The following MED1 variants were observed in gnomAD, a reference collection of about 807,000 sequenced individuals.
The protein encoded by MED1 is mediator of RNA polymerase II transcription subunit 1.
In MED1, 17 loss-of-function variants were observed where a neutral mutation model predicts 121.3. The ratio of observed to expected loss-of-function variants is 0.14; its 90% CI spans 0.10 to 0.21. MED1 has a LOEUF of 0.21. MED1 is among the 10% of genes least tolerant of loss of function. The pLI is 1.00. For missense variants in MED1, 1,558 were observed against 1,919.4 expected (o/e 0.81, Z 3.52); for synonymous variants, 661 against 694.4 (o/e 0.95, Z 0.76).
chr17:39,444,910 C>A (rs971989683), intron 2 of MED1, among the ~76,000 whole-genome samples: 1 of 152,020 alleles, frequency 6.6e-6, no homozygotes, highest in East Asian at 1.9e-4. Context: ...AAAACTTAGC[C>A]TAGTTTTCCT....
intron 2 of MED1, among the ~76,000 whole-genome samples, chr17:39,443,904 T>C (rs1241266863): frequency 6.6e-6 from 1 of 152,126 alleles, no homozygotes; most frequent in African/African-American, 2.4e-5. Flanking sequence ...CAAAGCTGAA[T>C]AATCACTTGA....
rs771119607 is a variant in MED1, at chr17:39,409,888, T to G, written c.2333A>C (p.Asp778Ala). The change falls in exon 17 of 17, where the codon GAT becomes GCT. Residue 778 changes from aspartate to alanine, a missense_variant. Around this residue, in one of 5 missense-constraint regions of MED1, gnomAD observed 793 missense variants for 898.2 expected, o/e 0.88. Transcript: ENST00000300651. Reference sequence around the variant, plus strand: ...AATGTCTGAAAGGATGTCAGTTACATCTGGGCCAATGCTGTCTGAACTGGA... The same window carrying G: ...AATGTCTGAAAGGATGTCAGTTACAGCTGGGCCAATGCTGTCTGAACTGGA... ...RLSSSDSIGP[D>A]VTDILSDIAE... 4 of 1,614,140 alleles carry G rather than the reference T, an allele frequency of 2.5e-6. No individual in the cohort carries two copies. The highest frequency in any genetic ancestry group is 3.4e-6 in the Non-Finnish European group (4 of 1,180,014).
chr17:39,416,605 G>T (rs766054528), intron 14 of MED1, among the ~76,000 whole-genome samples: 1 of 152,122 alleles, frequency 6.6e-6, no homozygotes, highest in Non-Finnish European at 1.5e-5. Context: ...TGAAACAGAA[G>T]TGCCACAACT....
rs146187840 is a variant in MED1 at position 39,440,570 on chromosome 17, C to T, written c.267-52G>A. On this transcript the variant is annotated intron_variant, in intron 4 of 16. Transcript: ENST00000300651. This position sits in a 1 kb window ranked among gnomAD's most constrained non-coding sequence, Gnocchi z 4.1. ...TTAATAGAAGACACATAAATAAAGC[C>T]ACCCAAAGTTAACACTAAGTTAAAC... 3.1e-4 allele frequency: 497 copies of T among 1,612,324 alleles called. No homozygotes were observed. In the African/African-American group the frequency reaches 4.2e-3, roughly 14 times the overall value.
intron 2 of MED1, among the ~76,000 whole-genome samples, chr17:39,444,241 G>C (rs778284241): frequency 6.6e-6 from 1 of 152,152 alleles, no homozygotes; most frequent in Admixed American, 6.6e-5. Flanking sequence ...GGGTGCGGTG[G>C]CTCACACCTG....
chr17:39,417,612 G>C (rs1157386011), intron 14 of MED1, among the ~76,000 whole-genome samples: 1 of 152,062 alleles, frequency 6.6e-6, no homozygotes, highest in Admixed American at 6.6e-5. Context: ...CTGGGCGACA[G>C]AGCGAGACTC....
At chr17:39,446,751 C>T (rs2048731703) in intron 2 of MED1, among the ~76,000 whole-genome samples, 1 of 150,756 alleles carries the variant, frequency 6.6e-6, no homozygotes, top group Non-Finnish European at 1.5e-5. Context: ...TCCAGCCTGG[C>T]CACAGAGCAA....
intron 10 of MED1, among the ~76,000 whole-genome samples, chr17:39,425,586 A>C (rs2048507132): frequency 6.6e-6 from 1 of 151,568 alleles, no homozygotes; most frequent in South Asian, 2.1e-4. Flanking sequence ...GGTGGATCAC[A>C]AGGTCAGGGG....
intron 13 of MED1, among the ~76,000 whole-genome samples, chr17:39,420,647 C>T (rs1490355407): frequency 2.0e-5 from 3 of 151,786 alleles, no homozygotes; most frequent in Non-Finnish European, 2.9e-5. Context: ...ATTATTATTA[C>T]TTTTGAGACA....
intron 6 of MED1, among the ~76,000 whole-genome samples, chr17:39,436,533 TTAA>T (rs2048620784): frequency 1.3e-5 from 2 of 152,108 alleles, no homozygotes; most frequent in African/African-American, 4.8e-5. Flanking sequence ...AACTCTGAGT[TTAA>T]ATTTAAGTAC....
At chr17:39,417,806 T>A (rs942957858) in intron 14 of MED1, among the ~76,000 whole-genome samples, 2 of 152,078 alleles carry the variant, frequency 1.3e-5, no homozygotes, top group South Asian at 4.2e-4. Flanking sequence ...AAGCTTCTAA[T>A]AGCCAACTGT....
intron 16 of MED1, among the ~76,000 whole-genome samples, chr17:39,412,226 TTC>T (rs1411796384): frequency 1.0e-4 from 15 of 149,456 alleles, no homozygotes; most frequent in Non-Finnish European, 1.2e-4. Context: ...AAATTTTTTT[TTC>T]TTTTTTTTTT....
rs1370679419 is a variant in MED1, at chr17:39,408,859, C to G, written c.3362G>C (p.Gly1121Ala). 6.2e-7 allele frequency: 1 copy of G among 1,613,944 alleles called. No individual in the cohort carries two copies. Among genetic ancestry groups the G allele is most frequent in the African/African-American group, 1.3e-5 (1 of 74,862 alleles). Residue 1121 changes from glycine (G) to alanine (A), a missense_variant, in exon 17 of 17, where the codon GGT (glycine) becomes GCT (alanine). This residue lies in a region of MED1 where 793 missense variants were observed against 898.2 expected (regional missense o/e 0.88). Transcript: ENST00000300651. The surrounding 1 kb of genome is among the most constrained non-coding windows in gnomAD (Gnocchi z 4.7). ...SGKMKSSKSE[G>A]SSSSKLSSSM... is the part of the protein sequence containing the mutation. ...GCTACTTAACTTGGAACTTGATGAACCTTCTGATTTACTGCTTTTCATCTT... is the reference window on the plus strand; with the variant it reads ...GCTACTTAACTTGGAACTTGATGAAGCTTCTGATTTACTGCTTTTCATCTT...
intron 5 of MED1, 125 bp from the exon 6 acceptor site, chr17:39,439,318 C>G (rs959435190): frequency 1.7e-5 from 11 of 647,100 alleles, no homozygotes; most frequent in Non-Finnish European, 2.8e-5. Context: ...ACAGATGGTC[C>G]TCATATTAAA....
Position 39,419,812 on chromosome 17 carries a change from G to A in MED1, c.1202C>T (p.Pro401Leu). 6.2e-7 allele frequency: 1 copy of A among 1,614,024 alleles called. No individual in the cohort carries two copies. The highest frequency in any genetic ancestry group is 8.5e-7 in the Non-Finnish European group (1 of 1,179,944). ...ATTTAGGATAAGAGGAACTCGGCCAGGGTGCTGAAAGGTGATTTTGCTAAC... is the reference window on the plus strand; with the variant it reads ...ATTTAGGATAAGAGGAACTCGGCCAAGGTGCTGAAAGGTGATTTTGCTAAC... ...TLVSKITFQH[P>L]GRVPLILNLI... is the part of the protein sequence containing the mutation. The change falls in exon 14 of 17, where the codon CCT (proline) becomes CTT (leucine). Residue 401 changes from proline (P) to leucine (L), a missense_variant. Pro to Leu is a moderately conservative substitution (Grantham distance 98). Transcript: ENST00000300651.
chr17:39,451,202 G>T lies in MED1; in HGVS notation c.-140C>A. 2.1e-6 allele frequency: 2 copies of T among 943,130 alleles called. No homozygotes were observed. The highest frequency in any genetic ancestry group is 3.2e-6 in the Non-Finnish European group (2 of 623,886). 58.4% of individuals were successfully genotyped at this position (943,130 alleles called of 1,614,324 possible). A position where few individuals can be genotyped will look rare whatever the true frequency, so the allele number is the denominator to read the frequency against. ...TCTTCCCGGGAAGGATCAATCTGAA[G>T]TCCCCGGCGGCAAGAAGAGAAGGGT... is the stretch of plus-strand genomic sequence containing the variant. On this transcript the variant is annotated 5_prime_UTR_variant, in exon 1 of 17. Transcript: ENST00000300651.
Position 39,440,305 on chromosome 17 carries a change from T to C in MED1, c.399+81A>G. 7.0e-7 allele frequency: 1 copy of C among 1,426,340 alleles called. No homozygotes were observed. The highest frequency in any genetic ancestry group is 9.3e-7 in the Non-Finnish European group (1 of 1,072,790). The allele number at this position is 1,426,340 out of a possible 1,614,324, so 88.4% of individuals were successfully genotyped here. ...CATGGAAAAACCTAAACCCAAGCTA[T>C]TTAAACCCCAACAATTAATTTTAAA... On this transcript the variant is annotated intron_variant, in intron 5 of 16. Coordinates refer to ENST00000300651, the MANE Select transcript of MED1 (RefSeq NM_004774.4). This position sits in a 1 kb window ranked among gnomAD's most constrained non-coding sequence, Gnocchi z 4.1.
chr17:39,412,304 C>T (rs1597853129), intron 16 of MED1, among the ~76,000 whole-genome samples: 1 of 148,948 alleles, frequency 6.7e-6, no homozygotes, highest in East Asian at 2.0e-4. Context: ...TCTTGGCTCA[C>T]TGCAACCTCC....
chr17:39,435,145 G>A (rs2048606413), intron 6 of MED1, among the ~76,000 whole-genome samples: 1 of 152,102 alleles, frequency 6.6e-6, no homozygotes, highest in South Asian at 2.1e-4. Flanking sequence ...TCCAGCCTGG[G>A]CAACAGAGCA....
Sources: gnomAD v4.1 joint callset for allele counts (sites outside exome capture counted in the v4.1 genomes callset) on GRCh38, gnomAD v4.1.1 for gene constraint, gnomAD v4.1.1 regional missense constraint, Gnocchi (gnomAD v3.1) non-coding constraint, MANE v1.5 for transcripts, NCBI Gene and HGNC (gene_info 2026-07-23, HGNC 2026-07-21) for gene names.